Variants in CTNNA2 observed in about 807,000 individuals in gnomAD.
The protein encoded by CTNNA2 is catenin alpha-2.
Under a neutral mutation model 101.0 loss-of-function variants are expected in CTNNA2, and 42 were observed. The ratio of observed to expected loss-of-function variants is 0.42; its 90% CI spans 0.32 to 0.54. The LOEUF (loss-of-function observed/expected upper bound fraction) is 0.54. Among genes scored for constraint, CTNNA2 ranks in the 20% least tolerant of loss-of-function variants. The probability of loss-of-function intolerance (pLI) is 0.14; values close to 1 mark genes in which losing one functional copy is unlikely to be tolerated. For synonymous variants in CTNNA2, 450 were observed against 456.4 expected (o/e 0.99, Z 0.18); for missense variants, 871 against 1,223.1 (o/e 0.71, Z 4.29).
intron 9 of CTNNA2, among the ~76,000 whole-genome samples, chr2:80,524,731 C>T (rs1689876406): frequency 6.6e-6 from 1 of 152,106 alleles, no homozygotes; most frequent in Admixed American, 6.6e-5. Flanking sequence ...AGCCTAGGGA[C>T]CTGTGTATCT....
chr2:80,221,107 G>A (rs536393784), intron 7 of CTNNA2, among the ~76,000 whole-genome samples: 12 of 152,188 alleles, frequency 7.9e-5, no homozygotes, highest in Non-Finnish European at 1.5e-4. Context: ...GGTCTCCAAC[G>A]CCTGACCTCA....
intron 4 of CTNNA2, among the ~76,000 whole-genome samples, chr2:79,486,354 T>C (rs1444658178): frequency 6.6e-6 from 1 of 151,976 alleles, no homozygotes; most frequent in Non-Finnish European, 1.5e-5. Context: ...GATAGTTTGC[T>C]GAGAATGATG....
intron 7 of CTNNA2, among the ~76,000 whole-genome samples, chr2:79,975,864 G>A (rs905405911): frequency 1.3e-5 from 2 of 152,180 alleles, no homozygotes; most frequent in Non-Finnish European, 2.9e-5. Flanking sequence ...ACTCAGTCCT[G>A]TTAGGTTTTA....
At chr2:80,086,449 T>A (rs1396033154) in intron 7 of CTNNA2, among the ~76,000 whole-genome samples, 1 of 152,062 alleles carries the variant, frequency 6.6e-6, no homozygotes, top group Non-Finnish European at 1.5e-5. Flanking sequence ...TAAGACCCAA[T>A]TAATTTGATC....
chr2:80,034,971 C>T (rs1020338778), intron 7 of CTNNA2, among the ~76,000 whole-genome samples: 2 of 152,048 alleles, frequency 1.3e-5, no homozygotes, highest in Non-Finnish European at 2.9e-5. Flanking sequence ...TGAAATAATA[C>T]GTAAAATTTC....
intron 8 of CTNNA2, among the ~76,000 whole-genome samples, chr2:80,412,741 C>G (rs918684547): frequency 6.6e-6 from 1 of 152,028 alleles, no homozygotes; most frequent in Non-Finnish European, 1.5e-5. Context: ...TTCTGTTGCT[C>G]TTAATGGATC....
At chr2:79,676,804 A>T (rs1433888901) in intron 2 of CTNNA2, among the ~76,000 whole-genome samples, 1 of 152,242 alleles carries the variant, frequency 6.6e-6, no homozygotes, top group Non-Finnish European at 1.5e-5. Context: ...AGATGTGAGA[A>T]ATTGTGAAAA....
At chr2:80,445,083 T>G (rs748244656) in intron 9 of CTNNA2, among the ~76,000 whole-genome samples, 2 of 152,184 alleles carry the variant, frequency 1.3e-5, no homozygotes, top group Non-Finnish European at 2.9e-5. Context: ...AACCTTGTCT[T>G]AATTCTAATT....
chr2:79,590,184 G>A (rs992084246), intron 1 of CTNNA2, among the ~76,000 whole-genome samples: 1 of 152,088 alleles, frequency 6.6e-6, no homozygotes, highest in African/African-American at 2.4e-5. Flanking sequence ...TTGAGGAGGC[G>A]GGTGAGCTTT....
rs976509613 is a variant in CTNNA2, at chr2:80,199,019, A to G, written c.1057-194192A>G. Among the ~76,000 whole-genome samples, 3 of 151,808 alleles carry G rather than the reference A, an allele frequency of 2.0e-5. No individual in the cohort carries two copies. The South Asian group carries it at 6.3e-4, about 32-fold the overall frequency. On this transcript the variant is annotated intron_variant, in intron 7 of 18. Coordinates refer to ENST00000402739, the MANE Select transcript of CTNNA2 (RefSeq NM_001282597.3). The stretch of plus-strand genomic sequence containing the variant: ...AACATAGTGAAACCCCGTCTCTACT[A>G]AAAATAAAAAAATTAGCTGGGTGTG...
At chr2:79,501,711 C>G (rs1671321575) in intron 4 of CTNNA2, among the ~76,000 whole-genome samples, 1 of 152,104 alleles carries the variant, frequency 6.6e-6, no homozygotes, top group Middle Eastern at 3.2e-3. Context: ...CAAATCCCAT[C>G]CCAAATCTAA....
intron 4 of CTNNA2, among the ~76,000 whole-genome samples, chr2:79,461,397 CTTATG>C (rs1215720138): frequency 6.6e-6 from 1 of 152,138 alleles, no homozygotes; most frequent in African/African-American, 2.4e-5. Flanking sequence ...TGTGCGAGTG[CTTATG>C]TTATGATGCT....
chr2:79,823,032 A>G (rs1271010583), intron 3 of CTNNA2, among the ~76,000 whole-genome samples: 1 of 152,152 alleles, frequency 6.6e-6, no homozygotes, highest in Admixed American at 6.5e-5. Context: ...TTTAGATGTC[A>G]GTAAAATGTC....
intron 2 of CTNNA2, among the ~76,000 whole-genome samples, chr2:79,655,208 C>T (rs965334153): frequency 1.3e-4 from 20 of 152,030 alleles, no homozygotes; most frequent in African/African-American, 4.3e-4. Flanking sequence ...CTTTTCCTAG[C>T]CTTGGAGTTT....
At chr2:79,606,559 C>T (rs570805999) in intron 1 of CTNNA2, among the ~76,000 whole-genome samples, 7 of 152,214 alleles carry the variant, frequency 4.6e-5, no homozygotes, top group South Asian at 4.1e-4. Flanking sequence ...TGAGCCACCA[C>T]GCCTGGCCAA....
At chr2:80,092,332 T>C (rs1390244486) in intron 7 of CTNNA2, among the ~76,000 whole-genome samples, 2 of 152,144 alleles carry the variant, frequency 1.3e-5, no homozygotes, top group Non-Finnish European at 2.9e-5. Context: ...GCTCCCTTTG[T>C]AGTGAATAGC....
intron 4 of CTNNA2, among the ~76,000 whole-genome samples, chr2:79,462,059 G>A (rs183716286): frequency 2.5e-4 from 38 of 152,166 alleles, no homozygotes; most frequent in African/African-American, 8.2e-4. Context: ...GAATTTTACC[G>A]ATATGAAAGG....
chr2:79,665,178 T>A (rs1182052480), intron 2 of CTNNA2, among the ~76,000 whole-genome samples: 2 of 152,122 alleles, frequency 1.3e-5, no homozygotes. Flanking sequence ...TTCATTTCCT[T>A]TGTATTGGCC....
chr2:79,761,640 C>T (rs1213396190), intron 3 of CTNNA2, among the ~76,000 whole-genome samples: 1 of 152,028 alleles, frequency 6.6e-6, no homozygotes, highest in Non-Finnish European at 1.5e-5. Flanking sequence ...TTATAGTTCC[C>T]CGATGCAGAT....
Sources: gnomAD v4.1 joint callset for allele counts (sites outside exome capture counted in the v4.1 genomes callset) on GRCh38, gnomAD v4.1.1 for gene constraint, MANE v1.5 for transcripts, NCBI Gene and HGNC (gene_info 2026-07-23, HGNC 2026-07-21) for gene names.